SPATA13: variants seen among roughly 807,000 people sequenced by gnomAD.
SPATA13 encodes spermatogenesis-associated protein 13.
Under a neutral mutation model 104.0 loss-of-function variants are expected in SPATA13, and 50 were observed. The observed-to-expected ratio is 0.48, with a 90% CI of 0.38 to 0.61. The LOEUF is 0.61. Ranked by LOEUF, SPATA13 falls within the 20% of genes least tolerant of loss-of-function variation. The pLI is 0.00. For missense variants in SPATA13, 1,524 were observed against 1,690.6 expected (o/e 0.90, Z 1.73); for synonymous variants, 606 against 667.5 (o/e 0.91, Z 1.42).
At chr13:24,152,225 C>A (rs1336063411) in intron 3 of SPATA13, among the ~76,000 whole-genome samples, 1 of 152,200 alleles carries the variant, frequency 6.6e-6, no homozygotes, top group Non-Finnish European at 1.5e-5. Context: ...ATGGATAATG[C>A]CTTGTATGTG....
chr13:24,286,767 G>T lies in SPATA13; in HGVS notation c.2484G>T (p.Leu828Phe). ...TGTCCCCTGTATGTGGGTTGCAGTT[G>T]CGAGTGAATCAGGAAGAGCTGTCGG... ...EAWFPASFVRLRVNQEELSEN... is the reference protein window; with the variant it reads ...EAWFPASFVRFRVNQEELSEN... Residue 828 changes from leucine to phenylalanine, a missense_variant and splice_region_variant, in exon 7 of 13, where the codon TTG (leucine) becomes TTT (phenylalanine). Leu to Phe is a conservative substitution (Grantham distance 22). Transcript: ENST00000382108. The surrounding 1 kb of genome is among the most constrained non-coding windows in gnomAD (Gnocchi z 4.9). 6.2e-7 allele frequency: 1 copy of T among 1,613,592 alleles called. No individual in the cohort carries two copies. Among genetic ancestry groups the T allele is most frequent in the African/African-American group, 1.3e-5 (1 of 74,996 alleles).
intron 3 of SPATA13, among the ~76,000 whole-genome samples, chr13:24,063,389 A>C (rs1320275190): frequency 6.6e-6 from 1 of 152,178 alleles, no homozygotes; most frequent in Non-Finnish European, 1.5e-5. Flanking sequence ...GCTACTTAAC[A>C]TACATATTCC....
Position 24,064,468 on chromosome 13 carries a change from A to C in SPATA13, c.-112+46767A>C. 1.3e-5 allele frequency among the ~76,000 whole-genome samples: 2 copies of C among 152,018 alleles called. 1 individual carries two copies. The highest frequency in any genetic ancestry group is 3.9e-4 in the East Asian group (2 of 5,174). ...GCTGTTAGGAGGTGAGGCGCTTGGG[A>C]GGTCATTGGGTCATGAGGGTAGGGC... On this transcript the variant is annotated intron_variant, in intron 3 of 14. Transcript: ENST00000424834.
chr13:24,239,693 T>TAAAAAAAA (rs55881452), intron 2 of SPATA13, among the ~76,000 whole-genome samples: 734 of 46,910 alleles, frequency 0.016, 97 homozygotes, highest in Non-Finnish European at 0.019. Flanking sequence ...AGACCATATC[T>TAAAAAAAA]AAAAAAAAAA....
chr13:24,113,497 G>A (rs193044382), intron 3 of SPATA13, among the ~76,000 whole-genome samples: 100 of 152,164 alleles, frequency 6.6e-4, no homozygotes, highest in East Asian at 5.0e-3. Context: ...CCAGCTGCTC[G>A]GGAGGCTGAG....
intron 1 of SPATA13, among the ~76,000 whole-genome samples, chr13:24,200,715 G>T (rs1487619998): frequency 2.4e-5 from 2 of 82,558 alleles, no homozygotes; most frequent in African/African-American, 4.8e-5. Context: ...AATTACACGT[G>T]TGATTAGTTT....
rs1369194895 is a variant in SPATA13 at position 24,131,161 on chromosome 13, C to A, written c.-111-91658C>A. ...TGAACAGTAGCTGTATTATTTAAGT[C>A]CACTTATTAGGTGGCTGCTTTGAAG... On this transcript the variant is annotated intron_variant, in intron 3 of 14. Coordinates refer to the SPATA13 transcript ENST00000424834. 2.0e-5 allele frequency among the ~76,000 whole-genome samples: 3 copies of A among 152,194 alleles called. No individual in the cohort carries two copies. The East Asian group carries it at 5.8e-4, about 29-fold the overall frequency.
At chr13:24,116,071 A>G (rs1880824317) in intron 3 of SPATA13, among the ~76,000 whole-genome samples, 1 of 152,140 alleles carries the variant, frequency 6.6e-6, no homozygotes, top group African/African-American at 2.4e-5. Flanking sequence ...GTGGGAGGTG[A>G]GTATATAGAT....
At chr13:24,133,164 G>A (rs899304582) in intron 3 of SPATA13, among the ~76,000 whole-genome samples, 5 of 152,238 alleles carry the variant, frequency 3.3e-5, no homozygotes, top group Admixed American at 6.5e-5. Flanking sequence ...GGCCCAGTGG[G>A]ATTAGACTGT....
chr13:24,104,698 C>T (rs1880381374), intron 3 of SPATA13, among the ~76,000 whole-genome samples: 1 of 152,190 alleles, frequency 6.6e-6, no homozygotes, highest in South Asian at 2.1e-4. Flanking sequence ...GCACAATTAA[C>T]TGAGGATCTA....
intron 3 of SPATA13, among the ~76,000 whole-genome samples, chr13:24,152,616 G>C (rs188629684): frequency 2.6e-4 from 40 of 152,376 alleles, no homozygotes; most frequent in Non-Finnish European, 7.3e-5. Flanking sequence ...TGTGTGACCA[G>C]TGCTTTCAAT....
At chr13:24,019,127 C>T (rs1383227845) in intron 3 of SPATA13, among the ~76,000 whole-genome samples, 8 of 144,124 alleles carry the variant, frequency 5.6e-5, no homozygotes, top group East Asian at 2.0e-4. Context: ...CTCGCTCTGT[C>T]GCCCAGGCTG....
Position 24,303,201 on chromosome 13 carries a change from GC to G in SPATA13, c.*430del. The G allele has an allele frequency of 2.5e-6, 1 of 402,498 alleles. No homozygotes were observed. The highest frequency in any genetic ancestry group is 4.9e-6 in the Non-Finnish European group (1 of 202,354). The allele number at this position is 402,498 out of a possible 1,614,324, so 24.9% of individuals were successfully genotyped here. ...ACTTCTGCATTTGATTTTCAAGGAT[GC>G]CGTCAAGACGGGGTTGACACAATGC... On this transcript the variant is annotated 3_prime_UTR_variant, in exon 13 of 13. Coordinates refer to ENST00000382108, the MANE Select transcript of SPATA13 (RefSeq NM_001166271.3).
intron 1 of SPATA13, among the ~76,000 whole-genome samples, chr13:24,202,306 C>T (rs1157061436): frequency 1.3e-5 from 2 of 151,960 alleles, no homozygotes; most frequent in Non-Finnish European, 2.9e-5. Flanking sequence ...TGCCTCTGAG[C>T]CCCAGAACCC....
At chr13:24,155,318 T>A (rs1882226965) in intron 3 of SPATA13, among the ~76,000 whole-genome samples, 1 of 152,214 alleles carries the variant, frequency 6.6e-6, no homozygotes, top group Admixed American at 6.5e-5. Context: ...TAGGGCCTAC[T>A]GTGTAATGAT....
At chr13:24,203,858 A>T (rs1403646211) in intron 1 of SPATA13, among the ~76,000 whole-genome samples, 1 of 152,222 alleles carries the variant, frequency 6.6e-6, no homozygotes, top group Non-Finnish European at 1.5e-5. Context: ...TGAATGTTTC[A>T]ACAAATATTT....
At chr13:24,135,268 A>G (rs761991431) in intron 3 of SPATA13, among the ~76,000 whole-genome samples, 11 of 152,258 alleles carry the variant, frequency 7.2e-5, no homozygotes, top group Non-Finnish European at 1.6e-4. Context: ...ATGTGCAATA[A>G]TTAGGAAAGA....
rs949015065 is a variant in SPATA13, at chr13:24,011,008, T to C, written c.-146-6659T>C. 6.6e-6 allele frequency among the ~76,000 whole-genome samples: 1 copy of C among 152,054 alleles called. No homozygotes were observed. Among genetic ancestry groups the C allele is most frequent in the African/African-American group, 2.4e-5 (1 of 41,432 alleles). ...AATGTTCCCTCTCTGCCTTACTGCT[T>C]TCTTCTGTCTTTCCCTCTGCACCCA... On this transcript the variant is annotated intron_variant, in intron 2 of 14. Transcript: ENST00000424834. The surrounding 1 kb of genome is among the most constrained non-coding windows in gnomAD (Gnocchi z 4.3).
At chr13:24,144,521 C>T (rs1053128413) in intron 3 of SPATA13, among the ~76,000 whole-genome samples, 12 of 152,108 alleles carry the variant, frequency 7.9e-5, no homozygotes, top group Admixed American at 7.2e-4. Flanking sequence ...TCCTGGTTGT[C>T]GCACAGCGTA....
Sources: allele counts gnomAD v4.1 joint callset (sites outside exome capture counted in the v4.1 genomes callset), GRCh38; gene constraint gnomAD v4.1.1; non-coding constraint Gnocchi (gnomAD v3.1); transcripts MANE v1.5; gene names NCBI Gene and HGNC (gene_info 2026-07-23, HGNC 2026-07-21).